Variants in MTMR10 observed in about 807,000 individuals in gnomAD.
MTMR10 encodes myotubularin related protein 10.
A neutral mutation model predicts 88.1 loss-of-function variants in MTMR10; 56 were observed. The ratio of observed to expected loss-of-function variants is 0.64; its 90% CI spans 0.51 to 0.79. The LOEUF (loss-of-function observed/expected upper bound fraction) is 0.79, where lower values mean the gene tolerates loss of function less well. MTMR10 is among the 30% of genes least tolerant of loss of function. MTMR10 has a pLI of 0.00. For synonymous variants in MTMR10, 380 were observed against 340.9 expected (o/e 1.11, Z -1.26); for missense variants, 883 against 924.7 (o/e 0.95, Z 0.58).
At chr15:30,958,556 G>C (rs979541294) in intron 9 of MTMR10, among the ~76,000 whole-genome samples, 12 of 152,202 alleles carry the variant, frequency 7.9e-5, no homozygotes, top group African/African-American at 2.9e-4. Flanking sequence ...GATTTATCCT[G>C]AAGTGTCTCA....
At chr15:30,987,554 T>C (rs1050016088) in intron 2 of MTMR10, among the ~76,000 whole-genome samples, 1 of 152,270 alleles carries the variant, frequency 6.6e-6, no homozygotes, top group African/African-American at 2.4e-5. Flanking sequence ...ACTCATTTTG[T>C]GTTCTAATTT....
chr15:30,957,327 TAAA>T (rs2063341127), intron 9 of MTMR10, among the ~76,000 whole-genome samples: 1 of 152,188 alleles, frequency 6.6e-6, no homozygotes, highest in Non-Finnish European at 1.5e-5. Context: ...AAATAAATGT[TAAA>T]AACTCAGGAG....
At chr15:30,982,394 T>C (rs1447548491) in intron 2 of MTMR10, among the ~76,000 whole-genome samples, 1 of 152,180 alleles carries the variant, frequency 6.6e-6, no homozygotes, top group Non-Finnish European at 1.5e-5. Flanking sequence ...ATTAACTCTA[T>C]CCTCTTTTGT....
chr15:30,948,762 GACTCCATTC>G, intron 12 of MTMR10: 1 of 453,762 alleles, frequency 2.2e-6, no homozygotes, highest in South Asian at 2.6e-5. Context: ...AATCCGTCTA[GACTCCATTC>G]TACTGCTCTT....
In MTMR10 at chr15:30,941,007, C is replaced by A; in HGVS notation, c.*463G>T. The A allele has an allele frequency of 1.7e-6, 2 of 1,166,798 alleles. No homozygotes were observed. Among genetic ancestry groups the A allele is most frequent in the South Asian group, 1.7e-5 (1 of 58,464 alleles). The allele number at this position is 1,166,798 out of a possible 1,614,324, so 72.3% of individuals were successfully genotyped here. A position where few individuals can be genotyped will look rare whatever the true frequency, so the allele number is the denominator to read the frequency against. ...ACACTGAACCTTCATCAGGTGAGTT[C>A]AATTAGAGACGACAGAAAGTAACCA... On this transcript the variant is annotated 3_prime_UTR_variant, in exon 16 of 16. Coordinates refer to ENST00000435680, the MANE Select transcript of MTMR10 (RefSeq NM_017762.3).
chr15:30,952,120 A>C (rs1472914186), intron 11 of MTMR10, 82 bp from the exon 12 acceptor site: 9 of 1,163,250 alleles, frequency 7.7e-6, no homozygotes, highest in Non-Finnish European at 1.0e-5. Context: ...AAGCAAATCT[A>C]ATTTCTCACT....
rs1257484837 is a variant in MTMR10 at position 30,939,292 on chromosome 15, G to T, written c.*2178C>A. ...CGTTCAATACTAGAAATTTCACCCA[G>T]TGCATCAGCATCTGTGCGGCATTCC... On this transcript the variant is annotated 3_prime_UTR_variant, in exon 16 of 16. Coordinates refer to ENST00000435680, the MANE Select transcript of MTMR10 (RefSeq NM_017762.3). 2.0e-6 allele frequency: 2 copies of T among 985,312 alleles called. No homozygotes were observed. The highest frequency in any genetic ancestry group is 3.5e-5 in the African/African-American group (2 of 57,218). 61.0% of individuals were successfully genotyped at this position (985,312 alleles called of 1,614,324 possible).
chr15:30,984,396 C>T (rs972093211), intron 2 of MTMR10, among the ~76,000 whole-genome samples: 22 of 152,174 alleles, frequency 1.4e-4, no homozygotes, highest in Non-Finnish European at 2.8e-4. Flanking sequence ...GGGTGTGTTA[C>T]AAGTCCTTTG....
At chr15:30,920,437 A>C in the MTMR10 span, 1 of 751,462 alleles carries the variant, frequency 1.3e-6, no homozygotes, top group Non-Finnish European at 2.3e-6. Flanking sequence ...AGTATTTAGA[A>C]TATACCTTTT....
rs150481803 is a variant in MTMR10 at position 30,953,306 on chromosome 15, GT to G, written c.1136+255del. 4.9e-3 allele frequency among the ~76,000 whole-genome samples: 739 copies of G among 152,272 alleles called. 6 individuals are homozygous for G. The highest frequency in any genetic ancestry group is 0.017 in the African/African-American group (705 of 41,554). ...GTGGTGGTTACGTGAACCTACACAC[GT>G]GATAAAATCGCACAGCTGTGTTAAG... On this transcript the variant is annotated intron_variant, in intron 11 of 15. Coordinates refer to ENST00000435680, the MANE Select transcript of MTMR10 (RefSeq NM_017762.3).
At chr15:30,949,919 T>G (rs1247115243) in intron 12 of MTMR10, 4 of 152,214 alleles carry the variant, frequency 2.6e-5, no homozygotes, top group Non-Finnish European at 4.4e-5. Context: ...AGGGAAAATC[T>G]AGAGACAGAA....
intron 6 of MTMR10, among the ~76,000 whole-genome samples, chr15:30,961,569 A>C (rs1356331910): frequency 6.8e-5 from 10 of 147,748 alleles, no homozygotes; most frequent in African/African-American, 2.7e-4. Flanking sequence ...TCTTGTCCTT[A>C]TCCAGCTCTT....
At chr15:30,961,257 G>C (rs192309808) in intron 6 of MTMR10, among the ~76,000 whole-genome samples, 184 bp from the exon 7 acceptor site, 4 of 148,802 alleles carry the variant, frequency 2.7e-5, no homozygotes, top group African/African-American at 7.4e-5. Context: ...TTTTTTTGAC[G>C]GAGTCTCGTT....
At chr15:30,980,193 A>T (rs893931835) in intron 2 of MTMR10, among the ~76,000 whole-genome samples, 2 of 152,232 alleles carry the variant, frequency 1.3e-5, no homozygotes, top group Non-Finnish European at 2.9e-5. Flanking sequence ...GCAATGTTGT[A>T]GCCATTTCAA....
the MTMR10 span, among the ~76,000 whole-genome samples, chr15:30,921,746 G>A: frequency 3.9e-5 from 6 of 152,254 alleles, no homozygotes; most frequent in South Asian, 6.2e-4. Context: ...CAGAATGACC[G>A]AACAGTCTGT....
At position 30,939,804 on chromosome 15, in the gene MTMR10, G is replaced by A. The variant is rs1172522978; in HGVS notation, c.*1666C>T. 1.5e-5 allele frequency: 15 copies of A among 985,048 alleles called. No individual in the cohort carries two copies. The highest frequency in any genetic ancestry group is 1.7e-5 in the African/African-American group (1 of 57,196). 61.0% of individuals were successfully genotyped at this position (985,048 alleles called of 1,614,324 possible). A position where few individuals can be genotyped will look rare whatever the true frequency, so the allele number is the denominator to read the frequency against. The stretch of plus-strand genomic sequence containing the variant: ...ACGCTGTGGTGTTATAAGGAGATTG[G>A]GTCTGGTTTCTAATCAAGGACTGTA... On this transcript the variant is annotated 3_prime_UTR_variant, in exon 16 of 16. Coordinates refer to ENST00000435680, the MANE Select transcript of MTMR10 (RefSeq NM_017762.3).
chr15:30,937,079 G>T (rs1212664718), downstream of MTMR10: 2 of 1,573,610 alleles, frequency 1.3e-6, no homozygotes, highest in Non-Finnish European at 1.7e-6. Flanking sequence ...TTTTCATTCA[G>T]TAAGATACTA....
In MTMR10 at chr15:30,965,520, G is replaced by T. The variant is rs569634144; in HGVS notation, c.565+2400C>A. ...AAAGATGAATCTGTACTTTTTTGAC[G>T]TTATTTGCCCAATAATAATCTGACT... is the stretch of plus-strand genomic sequence containing the variant. On this transcript the variant is annotated intron_variant, in intron 6 of 15. Transcript: ENST00000435680. Among the ~76,000 whole-genome samples the T allele has an allele frequency of 3.3e-5, 5 of 152,238 alleles. No homozygotes were observed. The South Asian group carries it at 1.0e-3, about 32-fold the overall frequency.
Position 30,941,756 on chromosome 15 carries a change from G to A in MTMR10, c.2048C>T (p.Ser683Phe). 6.2e-7 allele frequency: 1 copy of A among 1,613,994 alleles called. No individual in the cohort carries two copies. The highest frequency in any genetic ancestry group is 8.5e-7 in the Non-Finnish European group (1 of 1,179,888). Residue 683 changes from serine to phenylalanine, a missense_variant, in exon 16 of 16, where the codon TCC (serine) becomes TTC (phenylalanine). Coordinates refer to ENST00000435680, the MANE Select transcript of MTMR10 (RefSeq NM_017762.3). ...GGSITAFHKL[S>F]LLADEVDVLS... ...TACGTCGACTTCATCAGCCAGGAGGGAGAGCTTGTGAAAGGCTGTGATGGA... is the reference window on the plus strand; with the variant it reads ...TACGTCGACTTCATCAGCCAGGAGGAAGAGCTTGTGAAAGGCTGTGATGGA...
Sources: allele counts gnomAD v4.1 joint callset (sites outside exome capture counted in the v4.1 genomes callset), GRCh38; gene constraint gnomAD v4.1.1; transcripts MANE v1.5; gene names NCBI Gene and HGNC (gene_info 2026-07-23, HGNC 2026-07-21).